The following ABCB1 variants were observed in gnomAD, a reference collection of about 807,000 sequenced individuals.
ABCB1 encodes the protein ATP-dependent translocase ABCB1.
ABCB1 carries 69 observed loss-of-function variants against 142.0 expected under a neutral mutation model. The observed-to-expected ratio is 0.49, with a 90% CI of 0.40 to 0.59. The LOEUF (loss-of-function observed/expected upper bound fraction) is 0.59, where lower values mean the gene tolerates loss of function less well. Among genes scored for constraint, ABCB1 ranks in the 20% least tolerant of loss-of-function variants. The probability of loss-of-function intolerance (pLI) is 0.00; values close to 1 mark genes in which losing one functional copy is unlikely to be tolerated. For missense variants in ABCB1, 1,326 were observed against 1,554.7 expected, an observed-to-expected ratio of 0.85 and a Z score of 2.47; for synonymous variants, 532 against 539.2, an observed-to-expected ratio of 0.99 and a Z score of 0.18.
chr7:87,514,677 T>A (rs1176431452), intron 25 of ABCB1, among the ~76,000 whole-genome samples: 1 of 152,226 alleles, frequency 6.6e-6, no homozygotes, highest in Non-Finnish European at 1.5e-5. Flanking sequence ...CTTGATAATC[T>A]ATGCTCACTT....
At chr7:87,521,827 G>T in intron 21 of ABCB1, 1 of 778,016 alleles carries the variant, frequency 1.3e-6, no homozygotes, top group Non-Finnish European at 2.3e-6. Context: ...TCACCTAGGA[G>T]ATTATTTTGA....
In ABCB1 at chr7:87,541,480, T is replaced by TA. The variant is rs754104249; in HGVS notation, c.2212-17dup. 41 of 1,544,164 alleles carry TA rather than the reference T, an allele frequency of 2.7e-5. No individual in the cohort carries two copies. In the African/African-American group the frequency reaches 5.4e-4, roughly 20 times the overall value. On this transcript the variant is annotated splice_polypyrimidine_tract_variant and intron_variant, in intron 17 of 27. Transcript: ENST00000622132. ...TTGTAAAAACCTGTGAGAAAACATTTAAAGGATTTTTAGTTCAATCAGTGA... is the reference window on the plus strand; with the variant it reads ...TTGTAAAAACCTGTGAGAAAACATTTAAAAGGATTTTTAGTTCAATCAGTGA...
At chr7:87,634,285 C>T (rs1821520865) in intron 1 of ABCB1, among the ~76,000 whole-genome samples, 1 of 152,068 alleles carries the variant, frequency 6.6e-6, no homozygotes. Context: ...TTGATGGGGG[C>T]AGACCAACCA....
chr7:87,514,487 A>T (rs1157703598), intron 25 of ABCB1, among the ~76,000 whole-genome samples: 1 of 151,982 alleles, frequency 6.6e-6, no homozygotes, highest in Non-Finnish European at 1.5e-5. Flanking sequence ...ACATTTCCCA[A>T]ATTTGTTGAT....
At chr7:87,523,012 G>A (rs1189199737) in intron 21 of ABCB1, among the ~76,000 whole-genome samples, 1 of 152,102 alleles carries the variant, frequency 6.6e-6, no homozygotes, top group Non-Finnish European at 1.5e-5. Flanking sequence ...AAATAGTGGT[G>A]AGATAAACAT....
At position 87,504,161 on chromosome 7, in the gene ABCB1, G is replaced by A. The variant is rs1814611604; in HGVS notation, c.*82C>T. On this transcript the variant is annotated 3_prime_UTR_variant, in exon 28 of 28. Coordinates refer to ENST00000622132, the MANE Select transcript of ABCB1 (RefSeq NM_001348946.2). ...TAAACAGATACCTCTTCATAATTCTGTAAGTGTTTGCTTTTAACTTTGAAT... is the reference window on the plus strand; with the variant it reads ...TAAACAGATACCTCTTCATAATTCTATAAGTGTTTGCTTTTAACTTTGAAT... 6.5e-7 allele frequency: 1 copy of A among 1,536,560 alleles called. No homozygotes were observed. Among genetic ancestry groups the A allele is most frequent in the African/African-American group, 1.6e-5 (1 of 61,754 alleles).
intron 4 of ABCB1, among the ~76,000 whole-genome samples, chr7:87,570,431 G>T (rs541448179): frequency 4.6e-5 from 7 of 152,284 alleles, no homozygotes; most frequent in South Asian, 4.1e-4. Context: ...CCAACTCAGT[G>T]ATGTTTATTT....
At chr7:87,706,145 C>T (rs563179706) in intron 1 of ABCB1, among the ~76,000 whole-genome samples, 2 of 152,308 alleles carry the variant, frequency 1.3e-5, no homozygotes, top group South Asian at 4.1e-4. Flanking sequence ...TTACATCAGC[C>T]ATCCACATAT....
intron 3 of ABCB1, among the ~76,000 whole-genome samples, chr7:87,593,009 C>T (rs2129967321): frequency 6.6e-6 from 1 of 150,882 alleles, no homozygotes; most frequent in South Asian, 2.1e-4. Context: ...CTCACTGCAT[C>T]TCCACCTCCT....
At chr7:87,655,558 G>A (rs1824013199) in intron 1 of ABCB1, among the ~76,000 whole-genome samples, 1 of 152,130 alleles carries the variant, frequency 6.6e-6, no homozygotes, top group African/African-American at 2.4e-5. Context: ...TGGTTACCGT[G>A]TGCTGGAAGG....
chr7:87,629,722 C>T (rs946170813), intron 1 of ABCB1, among the ~76,000 whole-genome samples: 2 of 151,694 alleles, frequency 1.3e-5, no homozygotes, highest in Admixed American at 6.6e-5. Context: ...GGTCGGAGTT[C>T]GAGACCAGCC....
intron 1 of ABCB1, among the ~76,000 whole-genome samples, chr7:87,703,857 C>T (rs932879108): frequency 1.4e-5 from 1 of 70,606 alleles, no homozygotes; most frequent in Non-Finnish European, 2.8e-5. Flanking sequence ...TTCCCCTTTG[C>T]ATCTTAGGTG....
At chr7:87,684,583 C>T (rs1314954289) in intron 1 of ABCB1, among the ~76,000 whole-genome samples, 2 of 151,628 alleles carry the variant, frequency 1.3e-5, no homozygotes, top group African/African-American at 2.4e-5. Flanking sequence ...CCCATCTCTA[C>T]TAAAAATACA....
chr7:87,689,089 T>C (rs1827759135), intron 1 of ABCB1, among the ~76,000 whole-genome samples: 1 of 152,020 alleles, frequency 6.6e-6, no homozygotes, highest in Non-Finnish European at 1.5e-5. Flanking sequence ...AAATTTAGAT[T>C]TGGCTTCTGG....
intron 1 of ABCB1, among the ~76,000 whole-genome samples, chr7:87,697,161 T>A (rs980629387): frequency 6.6e-6 from 1 of 152,226 alleles, no homozygotes; most frequent in Non-Finnish European, 1.5e-5. Context: ...ATCTTCTTGT[T>A]CATGGACAAC....
At chr7:87,584,566 A>G (rs28381828) in intron 4 of ABCB1, among the ~76,000 whole-genome samples, 80 of 152,250 alleles carry the variant, frequency 5.3e-4, no homozygotes, top group African/African-American at 1.9e-3. Flanking sequence ...GAGAGAGAGG[A>G]AAGAATATGT....
chr7:87,545,635 G>C (rs1317598226), intron 15 of ABCB1, among the ~76,000 whole-genome samples: 1 of 152,038 alleles, frequency 6.6e-6, no homozygotes, highest in Non-Finnish European at 1.5e-5. Context: ...TACTATAACG[G>C]ATAACTCACC....
intron 1 of ABCB1, among the ~76,000 whole-genome samples, chr7:87,635,716 A>C (rs1441800681): frequency 2.6e-5 from 4 of 152,212 alleles, no homozygotes; most frequent in Admixed American, 2.0e-4. Flanking sequence ...TGTAACTAGC[A>C]CCCAAGTCAA....
At chr7:87,635,174 A>G (rs770780982) in intron 1 of ABCB1, among the ~76,000 whole-genome samples, 1 of 152,184 alleles carries the variant, frequency 6.6e-6, no homozygotes, top group Non-Finnish European at 1.5e-5. Flanking sequence ...TTTATAAAAT[A>G]TATCCCTGGG....
Sources: allele counts gnomAD v4.1 joint callset (sites outside exome capture counted in the v4.1 genomes callset), GRCh38; gene constraint gnomAD v4.1.1; transcripts MANE v1.5; gene names NCBI Gene and HGNC (gene_info 2026-07-23, HGNC 2026-07-21).